Variants in SHISAL1 observed in about 807,000 individuals in gnomAD.
SHISAL1 encodes the protein shisa like 1, also known as protein shisa-like-1.
In SHISAL1, 9 loss-of-function variants were observed where a neutral mutation model predicts 22.6. The ratio of observed to expected loss-of-function variants is 0.40; its 90% confidence interval spans 0.24 to 0.70. The LOEUF (loss-of-function observed/expected upper bound fraction) is 0.70, where lower values mean the gene tolerates loss of function less well. SHISAL1 is among the 30% of genes least tolerant of loss of function. The probability of loss-of-function intolerance (pLI) is 0.39; values close to 1 mark genes in which losing one functional copy is unlikely to be tolerated. For missense variants in SHISAL1, 246 were observed against 270.6 expected, an observed-to-expected ratio of 0.91 and a Z score of 0.64; for synonymous variants, 119 against 115.4, an observed-to-expected ratio of 1.03 and a Z score of -0.20.
chr22:44,301,953 C>T (rs547260945), intron 1 of SHISAL1, among the ~76,000 whole-genome samples: 1 of 152,158 alleles, frequency 6.6e-6, no homozygotes, highest in African/African-American at 2.4e-5. Flanking sequence ...TGCAGAGTTG[C>T]AGTTTGGGAA....
chr22:44,327,871 A>C, the SHISAL1 span, among the ~76,000 whole-genome samples: 1 of 152,112 alleles, frequency 6.6e-6, no homozygotes, highest in South Asian at 2.1e-4. Flanking sequence ...CTGCCTGTTT[A>C]GTGTTTAGGA....
rs1569202382 is a variant in SHISAL1, at chr22:44,244,723, C to T, written c.*4962G>A. ...TCCCAGCTATAGCAGGAATGGCTCC[C>T]AGATGGGCCCTGGGTACAGGGCCAG... On this transcript the variant is annotated 3_prime_UTR_variant, in exon 5 of 5. Coordinates refer to ENST00000381176, the MANE Select transcript of SHISAL1 (RefSeq NM_001099294.2). 6.6e-6 allele frequency: 1 copy of T among 152,142 alleles called. No homozygotes were observed. The highest frequency in any genetic ancestry group is 1.5e-5 in the Non-Finnish European group (1 of 68,040). The allele number at this position is 152,142 out of a possible 1,614,324, so 9.4% of individuals were successfully genotyped here. A position where few individuals can be genotyped will look rare whatever the true frequency, so the allele number is the denominator to read the frequency against.
intron 3 of SHISAL1, among the ~76,000 whole-genome samples, chr22:44,291,867 G>A (rs2055354794): frequency 6.6e-6 from 1 of 152,086 alleles, no homozygotes; most frequent in African/African-American, 2.4e-5. Flanking sequence ...ACCTGAGTCT[G>A]AGTCGCCATT....
intron 1 of SHISAL1, among the ~76,000 whole-genome samples, chr22:44,304,663 G>T (rs895141121): frequency 3.3e-5 from 5 of 152,184 alleles, no homozygotes; most frequent in African/African-American, 9.7e-5. Flanking sequence ...AGGATAAGCC[G>T]AGGTCAAGCA....
the SHISAL1 span, among the ~76,000 whole-genome samples, chr22:44,328,913 C>T: frequency 6.7e-4 from 102 of 152,182 alleles, no homozygotes; most frequent in Admixed American, 1.2e-3. Context: ...AGGCTTCAGC[C>T]GCCCTGCTGT....
At chr22:44,263,338 T>C (rs135423) in intron 4 of SHISAL1, among the ~76,000 whole-genome samples, 121,132 of 151,586 alleles carry the variant, frequency 0.8, 48,567 homozygotes, top group Admixed American at 0.88. Flanking sequence ...CCCAAAGTGC[T>C]GGGATTACAG....
chr22:44,330,528 G>A, the SHISAL1 span, among the ~76,000 whole-genome samples: 1 of 152,292 alleles, frequency 6.6e-6, no homozygotes, highest in Non-Finnish European at 1.5e-5. Context: ...GGCCCCAGGG[G>A]TGAGGCTGGG....
intron 1 of SHISAL1, among the ~76,000 whole-genome samples, chr22:44,303,405 T>C (rs747043170): frequency 1.4e-4 from 21 of 152,246 alleles, no homozygotes; most frequent in Non-Finnish European, 2.6e-4. Context: ...CCAAGAAGAC[T>C]GGTGTTTTTT....
chr22:44,307,407 C>G (rs2055487158), intron 1 of SHISAL1, among the ~76,000 whole-genome samples: 1 of 152,174 alleles, frequency 6.6e-6, no homozygotes, highest in Non-Finnish European at 1.5e-5. Context: ...CACAGCCACT[C>G]AGCAGCAAAG....
intron 3 of SHISAL1, among the ~76,000 whole-genome samples, chr22:44,285,980 G>T (rs1401085234): frequency 6.6e-6 from 1 of 152,168 alleles, no homozygotes; most frequent in African/African-American, 2.4e-5. Flanking sequence ...CATCCTCCAG[G>T]ACCCTGAGTC....
At chr22:44,302,414 T>TAA (rs35536153) in intron 1 of SHISAL1, among the ~76,000 whole-genome samples, 2 of 148,494 alleles carry the variant, frequency 1.3e-5, no homozygotes, top group African/African-American at 2.5e-5. Context: ...TTTGCCACAA[T>TAA]AAAAAAAAAT....
intron 4 of SHISAL1, among the ~76,000 whole-genome samples, chr22:44,256,879 G>A (rs1352839786): frequency 6.6e-6 from 1 of 152,200 alleles, no homozygotes; most frequent in Non-Finnish European, 1.5e-5. Context: ...TTACCCAAAG[G>A]ATCTGGGAAG....
chr22:44,250,506 C>T (rs1227632202), intron 4 of SHISAL1, among the ~76,000 whole-genome samples: 1 of 152,182 alleles, frequency 6.6e-6, no homozygotes, highest in Admixed American at 6.5e-5. Context: ...CAGACTCCAT[C>T]TGTGGAAAGC....
chr22:44,261,098 T>TATATATATAC (rs1459696750), intron 4 of SHISAL1, among the ~76,000 whole-genome samples: 3 of 130,278 alleles, frequency 2.3e-5, no homozygotes, highest in African/African-American at 1.1e-4. Context: ...TATATATATA[T>TATATATATAC]ACACTATATG....
rs12157333 is a variant in SHISAL1, at chr22:44,307,831, C to T, written c.-33+4920G>A. Reference sequence around the variant, plus strand: ...AACCCCACCAGGAACAGCAACGGATCTGTTTTTGTGTCAGCCAGGTTCGGC... The same window carrying T: ...AACCCCACCAGGAACAGCAACGGATTTGTTTTTGTGTCAGCCAGGTTCGGC... On this transcript the variant is annotated intron_variant, in intron 1 of 4. Transcript: ENST00000381176. Among the ~76,000 whole-genome samples the T allele has an allele frequency of 4.1e-3, 627 of 152,344 alleles. 9 individuals carry two copies. Among genetic ancestry groups the T allele is most frequent in the African/African-American group, 0.014 (590 of 41,576 alleles).
rs1338560594 is a variant in SHISAL1, at chr22:44,244,488, G to A, written c.*5197C>T. 6.6e-6 allele frequency: 1 copy of A among 152,162 alleles called. No homozygotes were observed. The highest frequency in any genetic ancestry group is 1.5e-5 in the Non-Finnish European group (1 of 68,040). The allele number at this position is 152,162 out of a possible 1,614,324, so 9.4% of individuals were successfully genotyped here. A position where few individuals can be genotyped will look rare whatever the true frequency, so the allele number is the denominator to read the frequency against. On this transcript the variant is annotated 3_prime_UTR_variant, in exon 5 of 5. Transcript: ENST00000381176. Reference sequence around the variant, plus strand: ...TGTCAGGGCTTTGATGTAAAGATAGGAGTTTTAGGTACAGAGTAACTAACA... The same window carrying A: ...TGTCAGGGCTTTGATGTAAAGATAGAAGTTTTAGGTACAGAGTAACTAACA...
chr22:44,255,006 A>G (rs147616398), intron 4 of SHISAL1, among the ~76,000 whole-genome samples: 11 of 152,178 alleles, frequency 7.2e-5, no homozygotes, highest in Non-Finnish European at 1.3e-4. Flanking sequence ...GCACTGACTC[A>G]AGTGATCACC....
At chr22:44,303,101 C>G (rs915229546) in intron 1 of SHISAL1, among the ~76,000 whole-genome samples, 1 of 152,078 alleles carries the variant, frequency 6.6e-6, no homozygotes, top group Non-Finnish European at 1.5e-5. Context: ...CAGCGTCGTC[C>G]TCCCAGAGCC....
At chr22:44,328,030 G>T in the SHISAL1 span, among the ~76,000 whole-genome samples, 1 of 152,192 alleles carries the variant, frequency 6.6e-6, no homozygotes, top group Non-Finnish European at 1.5e-5. Flanking sequence ...CAAGTCAACT[G>T]GGGAGAAGCT....
Sources: gnomAD v4.1 joint callset for allele counts (sites outside exome capture counted in the v4.1 genomes callset) on GRCh38, gnomAD v4.1.1 for gene constraint, MANE v1.5 for transcripts, NCBI Gene and HGNC (gene_info 2026-07-23, HGNC 2026-07-21) for gene names.